HJURP: variants seen among roughly 807,000 people sequenced by gnomAD.
HJURP encodes 14-3-3-associated AKT substrate.
A neutral mutation model predicts 72.0 loss-of-function variants in HJURP; 49 were observed. That is an observed-to-expected ratio of 0.68 (90% CI 0.54 to 0.86). The LOEUF (loss-of-function observed/expected upper bound fraction) is 0.86. HJURP is among the 40% of genes least tolerant of loss of function. HJURP has a pLI of 0.00. For synonymous variants in HJURP, 357 were observed against 347.1 expected, an observed-to-expected ratio of 1.03 and a Z score of -0.32; for missense variants, 908 against 936.3, an observed-to-expected ratio of 0.97 and a Z score of 0.39.
chr2:233,850,332 C>T (rs1024228940), intron 3 of HJURP, among the ~76,000 whole-genome samples: 2 of 152,226 alleles, frequency 1.3e-5, no homozygotes, highest in Admixed American at 1.3e-4. Flanking sequence ...CCCAAGCTAA[C>T]GCACAGAGGC....
In HJURP at chr2:233,840,734, T is replaced by G; in HGVS notation, c.2046A>C (p.Arg682Ser). ...GTRDHQFPAK[R>S]PRLSEPQGSG... ...AGCCCTGGGGTTCTGATAGCCTGGG[T>G]CTTTTTGCAGGGAACTGATGGTCCC... Residue 682 changes from arginine (R) to serine (S), a missense_variant, in exon 8 of 9, where the codon AGA becomes AGC. By Grantham distance (110) the Arg-to-Ser change is moderately radical. This residue lies in a region of HJURP where 598 missense variants were observed against 619.5 expected (regional missense o/e 0.97). Coordinates refer to ENST00000411486, the MANE Select transcript of HJURP (RefSeq NM_018410.5). 6.2e-7 allele frequency: 1 copy of G among 1,614,024 alleles called. No homozygotes were observed. Among genetic ancestry groups the G allele is most frequent in the Non-Finnish European group, 8.5e-7 (1 of 1,180,008 alleles).
intron 3 of HJURP, among the ~76,000 whole-genome samples, chr2:233,850,549 C>A (rs1042085654): frequency 6.6e-6 from 1 of 152,154 alleles, no homozygotes; most frequent in Non-Finnish European, 1.5e-5. Context: ...ATTTTAGGAA[C>A]CACCCAGCCT....
chr2:233,847,462 C>G lies in HJURP; in HGVS notation c.338-1G>C. On this transcript the variant is annotated splice_acceptor_variant, in intron 4 of 8. Transcript: ENST00000411486. LOFTEE classifies it high-confidence loss of function. ...GCATCGACCTCACCGCTTTTTGAAT[C>G]TAAAAGTCAAACAAGTAAATCTCAA... The G allele has an allele frequency of 6.2e-7, 1 of 1,613,686 alleles. No homozygotes were observed. The highest frequency in any genetic ancestry group is 8.5e-7 in the Non-Finnish European group (1 of 1,179,550).
At chr2:233,845,006 G>T (rs1010270533) in intron 6 of HJURP, among the ~76,000 whole-genome samples, 6 of 151,996 alleles carry the variant, frequency 3.9e-5, no homozygotes, top group Non-Finnish European at 7.4e-5. Context: ...GGCGGGACAG[G>T]TGCCAAGGGT....
At chr2:233,840,580 C>A (rs990788127) in intron 8 of HJURP, 29 bp downstream of exon 8, 1 of 1,542,390 alleles carries the variant, frequency 6.5e-7, no homozygotes, top group Non-Finnish European at 8.7e-7. Context: ...CTCACATAAA[C>A]CACATTCAAC....
At chr2:233,839,443 C>T (rs757531695) in intron 8 of HJURP, among the ~76,000 whole-genome samples, 21 of 152,150 alleles carry the variant, frequency 1.4e-4, no homozygotes, top group Non-Finnish European at 2.2e-4. Context: ...TACGGCAGAC[C>T]CTGGAGCAGG....
Position 233,847,453 on chromosome 2 carries a change from T to A in HJURP, c.346A>T (p.Ser116Cys). 6.2e-7 allele frequency: 1 copy of A among 1,613,802 alleles called. No homozygotes were observed. The highest frequency in any genetic ancestry group is 8.5e-7 in the Non-Finnish European group (1 of 1,179,668). Residue 116 changes from serine to cysteine, a missense_variant, in exon 5 of 9, where the codon AGC (serine) becomes TGC (cysteine). This residue lies in a region of HJURP where 299 missense variants were observed against 286.7 expected (regional missense o/e 1.04). Coordinates refer to ENST00000411486, the MANE Select transcript of HJURP (RefSeq NM_018410.5). ...TCTGACGTGGCATCGACCTCACCGC[T>A]TTTTGAATCTAAAAGTCAAACAAGT... ...HRTVLGADSK[S>C]GEVDATSDQE...
chr2:233,848,348 C>G (rs975053697), intron 4 of HJURP, among the ~76,000 whole-genome samples: 1 of 152,192 alleles, frequency 6.6e-6, no homozygotes, highest in Non-Finnish European at 1.5e-5. Context: ...GGAGGCCATG[C>G]GGTCAGGCAG....
In HJURP at chr2:233,841,392, G is replaced by C; in HGVS notation, c.1388C>G (p.Ala463Gly). The change falls in exon 8 of 9, where the codon GCC (alanine) becomes GGC (glycine). Residue 463 changes from alanine to glycine, a missense_variant. Ala to Gly is a moderately conservative substitution (Grantham distance 60). This residue lies in a region of HJURP where 598 missense variants were observed against 619.5 expected (regional missense o/e 0.97). Coordinates refer to ENST00000411486, the MANE Select transcript of HJURP (RefSeq NM_018410.5). ...AGGACCCCCTCTGTACATGTTCATG[G>C]CCCAGGAGTCCGGGAGGCACATCCG... ...PRRMCLPDSW[A>G]MNMYRGGPAS... 1 of 1,614,120 alleles carries C rather than the reference G, an allele frequency of 6.2e-7. No homozygotes were observed. The highest frequency in any genetic ancestry group is 8.5e-7 in the Non-Finnish European group (1 of 1,180,018).
Position 233,854,456 on chromosome 2 carries a change from G to C in HJURP, c.45C>G (p.Asp15Glu). 6.2e-7 allele frequency: 1 copy of C among 1,612,596 alleles called. No homozygotes were observed. Among genetic ancestry groups the C allele is most frequent in the Non-Finnish European group, 8.5e-7 (1 of 1,179,500 alleles). The change falls in exon 1 of 9, where the codon GAC (aspartate) becomes GAG (glutamate). Residue 15 changes from aspartate (D) to glutamate (E), a missense_variant. By Grantham distance (45) the Asp-to-Glu change is conservative. Coordinates refer to ENST00000411486, the MANE Select transcript of HJURP (RefSeq NM_018410.5). Reference protein sequence around the residue: ...LRAMEGEDVEDDQLLQKLRAS... With the variant: ...LRAMEGEDVEEDQLLQKLRAS... ...CCCTGAGCTTCTGCAGCAGCTGGTC[G>C]TCTTCCACGTCCTCGCCCTCCATGG...
Position 233,846,375 on chromosome 2 carries a change from C to T in HJURP, c.403-555G>A, listed in dbSNP as rs1705363121. ...GCTGAGGCAGGAGAATCGCTTGAAC[C>T]CAGGAAGTAGAGGTTGCAGTGAGCT... On this transcript the variant is annotated intron_variant, in intron 5 of 8. Transcript: ENST00000411486. The surrounding 1 kb of genome is among the most constrained non-coding windows in gnomAD (Gnocchi z 4.3). Among the ~76,000 whole-genome samples, 1 of 152,136 alleles carries T rather than the reference C, an allele frequency of 6.6e-6. No individual in the cohort carries two copies. The highest frequency in any genetic ancestry group is 1.5e-5 in the Non-Finnish European group (1 of 68,034).
chr2:233,854,348 A>T, intron 1 of HJURP, 36 bp downstream of exon 1: 1 of 1,466,506 alleles, frequency 6.8e-7, no homozygotes, highest in Non-Finnish European at 9.4e-7. Context: ...TCCGACACGC[A>T]GGCCTCCCCT....
In HJURP at chr2:233,849,804, C is replaced by G. The variant is rs1037068270; in HGVS notation, c.296G>C (p.Trp99Ser). ...GCGGTGCGAGGGAAGCTCAGGACCC[C>G]AGGCTGCAGCTTGCACGGAGCCATC... ...RTDGSVQAAA[W>S]GPELPSHRTV... is the part of the protein sequence containing the mutation. Residue 99 changes from tryptophan (W) to serine (S), a missense_variant, in exon 4 of 9, where the codon TGG becomes TCG. This residue lies in a region of HJURP where 299 missense variants were observed against 286.7 expected (regional missense o/e 1.04). Transcript: ENST00000411486. 3 of 1,555,196 alleles carry G rather than the reference C, an allele frequency of 1.9e-6. No individual in the cohort carries two copies. In the African/African-American group the frequency reaches 4.1e-5, roughly 21 times the overall value.
chr2:233,845,192 C>T (rs1240999118), intron 6 of HJURP, among the ~76,000 whole-genome samples: 20 of 151,856 alleles, frequency 1.3e-4, no homozygotes, highest in Admixed American at 1.3e-3. Flanking sequence ...TGCTCTATCA[C>T]CCTGGCTGGA....
At chr2:233,854,346 G>T in intron 1 of HJURP, 38 bp downstream of exon 1, 1 of 1,457,206 alleles carries the variant, frequency 6.9e-7, no homozygotes. Flanking sequence ...ACTCCGACAC[G>T]CAGGCCTCCC....
Position 233,848,456 on chromosome 2 carries a change from C to T in HJURP, c.338-995G>A, listed in dbSNP as rs138807271. ...AGCGGCTTGACCACATTCACAGGGG[C>T]GTCAGTGGGGCGGAGGGAGCCCGGG... On this transcript the variant is annotated intron_variant, in intron 4 of 8. Coordinates refer to ENST00000411486, the MANE Select transcript of HJURP (RefSeq NM_018410.5). Among the ~76,000 whole-genome samples the T allele has an allele frequency of 3.1e-4, 47 of 152,238 alleles. No individual in the cohort carries two copies. In the East Asian group the frequency reaches 7.6e-3, roughly 24 times the overall value.
Position 233,853,842 on chromosome 2 carries a change from A to G in HJURP, c.184+2T>C, listed in dbSNP as rs1439180068. The G allele has an allele frequency of 3.7e-6, 6 of 1,612,622 alleles. No homozygotes were observed. Among genetic ancestry groups the G allele is most frequent in the Non-Finnish European group, 5.1e-6 (6 of 1,178,874 alleles). On this transcript the variant is annotated splice_donor_variant, in intron 2 of 8. Transcript: ENST00000411486. LOFTEE classifies it high-confidence loss of function. ...TACTCAGAAGGTGGGGAAGACCCTTACCCTGTGGCGTCTCGTAGGTCAGCG... is the reference window on the plus strand; with the variant it reads ...TACTCAGAAGGTGGGGAAGACCCTTGCCCTGTGGCGTCTCGTAGGTCAGCG...
chr2:233,848,551 C>T (rs1705424990), intron 4 of HJURP, among the ~76,000 whole-genome samples: 1 of 152,138 alleles, frequency 6.6e-6, no homozygotes, highest in African/African-American at 2.4e-5. Flanking sequence ...ACAGGGATGC[C>T]TTGGCCATGA....
rs1210630294 is a variant in HJURP at position 233,846,267 on chromosome 2, A to T, written c.403-447T>A. The T allele has an allele frequency of 6.4e-6, 1 of 155,150 alleles. No homozygotes were observed. Among genetic ancestry groups the T allele is most frequent in the Non-Finnish European group, 1.4e-5 (1 of 69,976 alleles). 9.6% of individuals were successfully genotyped at this position (155,150 alleles called of 1,614,324 possible). A position where few individuals can be genotyped will look rare whatever the true frequency, so the allele number is the denominator to read the frequency against. On this transcript the variant is annotated intron_variant, in intron 5 of 8. Coordinates refer to ENST00000411486, the MANE Select transcript of HJURP (RefSeq NM_018410.5). This position sits in a 1 kb window ranked among gnomAD's most constrained non-coding sequence, Gnocchi z 4.3. Reference sequence around the variant, plus strand: ...CAGGAGTTCGAGACCAGCCTGGCCAACATGGTGAAAGTCCATCTCTACTAC... The same window carrying T: ...CAGGAGTTCGAGACCAGCCTGGCCATCATGGTGAAAGTCCATCTCTACTAC...
Sources: allele counts gnomAD v4.1 joint callset (sites outside exome capture counted in the v4.1 genomes callset), GRCh38; gene constraint gnomAD v4.1.1; regional missense constraint gnomAD v4.1.1; non-coding constraint Gnocchi (gnomAD v3.1); transcripts MANE v1.5; gene names NCBI Gene and HGNC (gene_info 2026-07-23, HGNC 2026-07-21).